PCSK2: variants seen among roughly 807,000 people sequenced by gnomAD.
PCSK2 encodes the protein proprotein convertase subtilisin/kexin type 2, also known as neuroendocrine convertase 2.
In PCSK2, 14 loss-of-function variants were observed where a neutral mutation model predicts 69.7. The observed-to-expected ratio is 0.20, with a 90% confidence interval of 0.13 to 0.31. The LOEUF (loss-of-function observed/expected upper bound fraction) is 0.31, where lower values mean the gene tolerates loss of function less well. Ranked by LOEUF, PCSK2 falls within the 10% of genes least tolerant of loss-of-function variation. The pLI is 1.00. For synonymous variants in PCSK2, 307 were observed against 320.7 expected, an observed-to-expected ratio of 0.96 and a Z score of 0.46; for missense variants, 544 against 842.5, an observed-to-expected ratio of 0.65 and a Z score of 4.39.
chr20:17,451,491 G>A (rs2032821621), intron 8 of PCSK2, among the ~76,000 whole-genome samples: 1 of 152,146 alleles, frequency 6.6e-6, no homozygotes, highest in Non-Finnish European at 1.5e-5. Flanking sequence ...CAATCAGGAG[G>A]CTAACCTAGG....
At chr20:17,450,475 A>G (rs1227052969) in intron 8 of PCSK2, among the ~76,000 whole-genome samples, 2 of 152,122 alleles carry the variant, frequency 1.3e-5, no homozygotes, top group African/African-American at 4.8e-5. Flanking sequence ...GTGATAGTCA[A>G]CCTTTGTTTT....
At chr20:17,421,910 TA>T (rs1259142324) in intron 6 of PCSK2, among the ~76,000 whole-genome samples, 1 of 145,188 alleles carries the variant, frequency 6.9e-6, no homozygotes, top group African/African-American at 2.5e-5. Flanking sequence ...AAAATACACC[TA>T]AAAAAACTAA....
At chr20:17,227,630 T>A (rs1410835007) in intron 1 of PCSK2, 148 bp downstream of exon 1, 1 of 626,128 alleles carries the variant, frequency 1.6e-6, no homozygotes, top group Non-Finnish European at 2.8e-6. Context: ...CGATATTGCC[T>A]CCGGTGATCT....
At chr20:17,470,575 A>G (rs2072959) in intron 11 of PCSK2, among the ~76,000 whole-genome samples, 134,279 of 152,232 alleles carry the variant, frequency 0.88, 59,475 homozygotes, top group African/African-American at 0.94. Flanking sequence ...GCCTAAAGGC[A>G]GCCTTGGGAG....
intron 2 of PCSK2, among the ~76,000 whole-genome samples, chr20:17,262,135 T>C (rs1396220942): frequency 6.6e-6 from 1 of 152,224 alleles, no homozygotes; most frequent in African/African-American, 2.4e-5. Context: ...TGGGACTAAT[T>C]GGGTAATAAA....
intron 2 of PCSK2, among the ~76,000 whole-genome samples, chr20:17,270,123 A>G (rs1211361210): frequency 2.6e-5 from 4 of 152,160 alleles, no homozygotes; most frequent in Admixed American, 6.6e-5. Flanking sequence ...TCGTATGTCT[A>G]TCTAGCTACT....
chr20:17,468,512 G>A (rs6105759), intron 11 of PCSK2, among the ~76,000 whole-genome samples: 43,369 of 125,946 alleles, frequency 0.34, 7,833 homozygotes, highest in South Asian at 0.59. Flanking sequence ...ACGGGCCAGC[G>A]TCCTGCTGTA....
chr20:17,378,637 ATGGATGAATGGATGG>A (rs1313735065), intron 5 of PCSK2, among the ~76,000 whole-genome samples: 6 of 93,370 alleles, frequency 6.4e-5, no homozygotes, highest in African/African-American at 2.6e-4. Flanking sequence ...GGATGGATGG[ATGGATGAATGGATGG>A]ATGGATGATT....
chr20:17,243,300 T>C (rs1986652132), intron 1 of PCSK2, among the ~76,000 whole-genome samples: 1 of 152,016 alleles, frequency 6.6e-6, no homozygotes, highest in Non-Finnish European at 1.5e-5. Flanking sequence ...TCCTGGGCTC[T>C]AGTGATCCTC....
At chr20:17,454,792 C>G (rs977591595) in intron 9 of PCSK2, among the ~76,000 whole-genome samples, 3 of 152,172 alleles carry the variant, frequency 2.0e-5, no homozygotes, top group Non-Finnish European at 2.9e-5. Context: ...GACAGGAGGA[C>G]AGGAGCTCAG....
At chr20:17,301,661 G>A (rs989358876) in intron 2 of PCSK2, among the ~76,000 whole-genome samples, 8 of 152,018 alleles carry the variant, frequency 5.3e-5, no homozygotes, top group Admixed American at 1.3e-4. Context: ...GACCAGGCAC[G>A]GTGGCTCACG....
intron 8 of PCSK2, among the ~76,000 whole-genome samples, chr20:17,438,616 A>G (rs2032533450): frequency 6.6e-6 from 1 of 152,194 alleles, no homozygotes; most frequent in Admixed American, 6.5e-5. Context: ...ATTGGTGCCC[A>G]CCAAGATCCC....
chr20:17,417,292 G>A (rs997164484), intron 6 of PCSK2, among the ~76,000 whole-genome samples: 4 of 151,990 alleles, frequency 2.6e-5, no homozygotes, highest in Non-Finnish European at 1.5e-5. Context: ...CTCCAATTAG[G>A]ACTAATTAGT....
chr20:17,392,774 C>T (rs554669963), intron 5 of PCSK2, among the ~76,000 whole-genome samples: 4 of 152,154 alleles, frequency 2.6e-5, no homozygotes, highest in African/African-American at 4.8e-5. Flanking sequence ...TTTATTGTTG[C>T]GTAGCATTCC....
At chr20:17,366,050 G>C (rs887784468) in intron 4 of PCSK2, among the ~76,000 whole-genome samples, 1 of 152,182 alleles carries the variant, frequency 6.6e-6, no homozygotes, top group African/African-American at 2.4e-5. Context: ...CTTAGTGGGG[G>C]TTTTCTATGG....
intron 5 of PCSK2, among the ~76,000 whole-genome samples, chr20:17,386,378 G>A (rs1465455500): frequency 6.6e-6 from 1 of 152,160 alleles, no homozygotes; most frequent in Non-Finnish European, 1.5e-5. Flanking sequence ...GAAGCAAAAT[G>A]TATTACATAC....
chr20:17,264,869 T>TTTCTTTC (rs1203218363), intron 2 of PCSK2, among the ~76,000 whole-genome samples: 1 of 3,168 alleles, frequency 3.2e-4, no homozygotes, highest in African/African-American at 8.7e-4. Flanking sequence ...TCTTTCTTTC[T>TTTCTTTC]TTTTTTTTTC....
chr20:17,357,256 C>T (rs2030235387), intron 2 of PCSK2, among the ~76,000 whole-genome samples: 1 of 152,174 alleles, frequency 6.6e-6, no homozygotes, highest in Non-Finnish European at 1.5e-5. Context: ...TTCTTTCTGG[C>T]TGTCCAAAAT....
chr20:17,363,663 A>G lies in PCSK2; in HGVS notation c.505+3023A>G, dbSNP rs73255648. Among the ~76,000 whole-genome samples, 452 of 152,334 alleles carry G rather than the reference A, an allele frequency of 3.0e-3. 3 individuals are homozygous for G. Among genetic ancestry groups the G allele is most frequent in the African/African-American group, 0.01 (428 of 41,592 alleles). On this transcript the variant is annotated intron_variant, in intron 4 of 11. Transcript: ENST00000262545. ...AAGGCATGGGTCAAGGCCCTTAGCC[A>G]TTATCAGATGGAGCCAAGGAAGTGA...
Sources: gnomAD v4.1 joint callset for allele counts (sites outside exome capture counted in the v4.1 genomes callset) on GRCh38, gnomAD v4.1.1 for gene constraint, MANE v1.5 for transcripts, NCBI Gene and HGNC (gene_info 2026-07-23, HGNC 2026-07-21) for gene names.